ADAMTSL3: variants seen among roughly 807,000 people sequenced by gnomAD.
ADAMTSL3 encodes ADAMTS-like protein 3.
A neutral mutation model predicts 201.7 loss-of-function variants in ADAMTSL3; 128 were observed. The observed-to-expected ratio is 0.63, with a 90% CI of 0.55 to 0.73. The LOEUF is 0.73. Ranked by LOEUF, ADAMTSL3 falls within the 30% of genes least tolerant of loss-of-function variation. The probability of loss-of-function intolerance (pLI) is 0.00; values close to 1 mark genes in which losing one functional copy is unlikely to be tolerated. For missense variants in ADAMTSL3, 1,990 were observed against 2,119.6 expected, an observed-to-expected ratio of 0.94 and a Z score of 1.20; for synonymous variants, 738 against 748.4, an observed-to-expected ratio of 0.99 and a Z score of 0.23.
intron 6 of ADAMTSL3, among the ~76,000 whole-genome samples, chr15:83,834,369 C>G (rs1255406328): frequency 6.6e-6 from 1 of 152,172 alleles, no homozygotes; most frequent in Non-Finnish European, 1.5e-5. Flanking sequence ...CAAAATGTTT[C>G]TGAGTATCCC....
chr15:83,826,627 A>G (rs1193854605), intron 6 of ADAMTSL3, among the ~76,000 whole-genome samples: 2 of 151,348 alleles, frequency 1.3e-5, no homozygotes, highest in Non-Finnish European at 3.0e-5. Flanking sequence ...CGTCATTTAC[A>G]TTAGGTATAT....
chr15:84,018,241 A>G (rs2068123711), intron 25 of ADAMTSL3, among the ~76,000 whole-genome samples: 1 of 152,312 alleles, frequency 6.6e-6, no homozygotes, highest in East Asian at 1.9e-4. Flanking sequence ...CAAATATACA[A>G]TCACACACAC....
At chr15:83,821,725 G>A (rs2063870875) in intron 6 of ADAMTSL3, among the ~76,000 whole-genome samples, 1 of 152,258 alleles carries the variant, frequency 6.6e-6, no homozygotes, top group Non-Finnish European at 1.5e-5. Flanking sequence ...AACCGCCGTT[G>A]TCGTCATGGC....
At chr15:83,811,954 C>T (rs1227266510) in intron 5 of ADAMTSL3, among the ~76,000 whole-genome samples, 1 of 152,146 alleles carries the variant, frequency 6.6e-6, no homozygotes, top group East Asian at 1.9e-4. Context: ...GTGTTGCAAA[C>T]CAGAGGTGCA....
chr15:83,998,051 C>G (rs1365475394), intron 23 of ADAMTSL3, among the ~76,000 whole-genome samples: 2 of 151,882 alleles, frequency 1.3e-5, no homozygotes, highest in Non-Finnish European at 2.9e-5. Flanking sequence ...CAAAAAAACT[C>G]TCTCAAAATA....
intron 8 of ADAMTSL3, among the ~76,000 whole-genome samples, chr15:83,864,381 C>T (rs1240941724): frequency 2.6e-5 from 4 of 152,180 alleles, no homozygotes; most frequent in Non-Finnish European, 4.4e-5. Context: ...TCTGGCAAAC[C>T]AAATCCAGCA....
intron 6 of ADAMTSL3, among the ~76,000 whole-genome samples, chr15:83,835,760 A>C (rs2141971164): frequency 6.6e-6 from 1 of 152,350 alleles, no homozygotes; most frequent in South Asian, 2.1e-4. Context: ...ATCACTCTTA[A>C]GTTGTTCCAC....
chr15:83,704,003 C>CAA (rs373378778), intron 2 of ADAMTSL3, among the ~76,000 whole-genome samples: 49,485 of 127,184 alleles, frequency 0.39, 9,852 homozygotes, highest in Admixed American at 0.55. Context: ...ACTCCTTTGC[C>CAA]AAAAAAAAAA....
chr15:83,743,621 G>A (rs1024028388), intron 3 of ADAMTSL3, among the ~76,000 whole-genome samples: 8 of 151,026 alleles, frequency 5.3e-5, no homozygotes, highest in African/African-American at 1.9e-4. Context: ...TTACAAGTTT[G>A]ACATTTTTGA....
chr15:83,929,352 A>G (rs569501085), intron 17 of ADAMTSL3, among the ~76,000 whole-genome samples: 1 of 152,124 alleles, frequency 6.6e-6, no homozygotes, highest in Non-Finnish European at 1.5e-5. Flanking sequence ...CCTTGGTTCC[A>G]TGGCTTTCTC....
intron 9 of ADAMTSL3, among the ~76,000 whole-genome samples, chr15:83,879,350 A>G (rs1331571084): frequency 6.6e-6 from 1 of 152,016 alleles, no homozygotes; most frequent in Admixed American, 6.6e-5. Context: ...GAAATCATTA[A>G]TTTTCATCTT....
chr15:83,746,644 G>C (rs1026193713), intron 3 of ADAMTSL3, among the ~76,000 whole-genome samples: 8 of 152,148 alleles, frequency 5.3e-5, no homozygotes, highest in Non-Finnish European at 1.0e-4. Flanking sequence ...ATAGTTACAT[G>C]ATGAAGCTAG....
intron 3 of ADAMTSL3, among the ~76,000 whole-genome samples, chr15:83,768,418 C>G (rs74024561): frequency 0.017 from 2,539 of 152,204 alleles, 53 homozygotes; most frequent in African/African-American, 0.056. Flanking sequence ...AAGAAGGAAA[C>G]TTAGGTTTTA....
chr15:83,674,768 T>TATACACACATATATAC (rs2061377619), intron 2 of ADAMTSL3, among the ~76,000 whole-genome samples: 2 of 110,448 alleles, frequency 1.8e-5, no homozygotes, highest in Non-Finnish European at 3.5e-5. Context: ...CATATATACA[T>TATACACACATATATAC]ATATATATAT....
intron 7 of ADAMTSL3, 77 bp downstream of exon 7, chr15:83,838,292 C>A: frequency 3.3e-6 from 5 of 1,499,300 alleles, no homozygotes; most frequent in South Asian, 1.3e-5. Flanking sequence ...ATAACATTTT[C>A]TGAATGTTAA....
chr15:83,806,839 C>G (rs910628902), intron 5 of ADAMTSL3, among the ~76,000 whole-genome samples: 1 of 152,008 alleles, frequency 6.6e-6, no homozygotes, highest in African/African-American at 2.4e-5. Context: ...GGTGACAGAA[C>G]CAGATTCCAT....
In ADAMTSL3 at chr15:83,975,087, T is replaced by C. The variant is rs906617849; in HGVS notation, c.2644+4450T>C. 5.4e-5 allele frequency among the ~76,000 whole-genome samples: 8 copies of C among 149,394 alleles called. No homozygotes were observed. The South Asian group carries it at 1.7e-3, about 32-fold the overall frequency. On this transcript the variant is annotated intron_variant, in intron 20 of 29. Coordinates refer to ENST00000286744, the MANE Select transcript of ADAMTSL3 (RefSeq NM_207517.3). ...CGCGATCTCAGCTCACTGCAAGCTC[T>C]GCCTCCCGGGTTCACGCCATTCTCC...
chr15:83,828,368 A>G (rs1289642920), intron 6 of ADAMTSL3, among the ~76,000 whole-genome samples: 9 of 152,320 alleles, frequency 5.9e-5, no homozygotes, highest in Non-Finnish European at 1.2e-4. Context: ...ATTTTTGCAC[A>G]TTGATTTTGT....
At chr15:83,780,351 A>G (rs2063147589) in intron 4 of ADAMTSL3, among the ~76,000 whole-genome samples, 1 of 150,488 alleles carries the variant, frequency 6.6e-6, no homozygotes, top group Non-Finnish European at 1.5e-5. Flanking sequence ...CAGAGGTTGC[A>G]GTGAGCCAAG....
Sources: allele counts gnomAD v4.1 joint callset (sites outside exome capture counted in the v4.1 genomes callset), GRCh38; gene constraint gnomAD v4.1.1; transcripts MANE v1.5; gene names NCBI Gene and HGNC (gene_info 2026-07-23, HGNC 2026-07-21).